The following TRABD variants were observed in gnomAD, a reference collection of about 807,000 sequenced individuals.
TRABD encodes the protein traB domain-containing protein.
TRABD carries 23 observed loss-of-function variants against 39.6 expected under a neutral mutation model. That is an observed-to-expected ratio of 0.58 (90% CI 0.42 to 0.82). The LOEUF is 0.82. Among genes scored for constraint, TRABD ranks in the 40% least tolerant of loss-of-function variants. TRABD has a pLI of 0.00. For synonymous variants in TRABD, 243 were observed against 232.1 expected, an observed-to-expected ratio of 1.05 and a Z score of -0.43; for missense variants, 487 against 544.9, an observed-to-expected ratio of 0.89 and a Z score of 1.06.
Position 50,197,319 on chromosome 22 carries a change from C to G in TRABD, c.499C>G (p.Pro167Ala). Residue 167 changes from proline to alanine, a missense_variant, in exon 6 of 10, where the codon CCA (proline) becomes GCA (alanine). By Grantham distance (27) the Pro-to-Ala change is conservative. Transcript: ENST00000380909. ...AHITEQLGMA[P>A]GGEFREAFKE... is the part of the protein sequence containing the mutation. Reference sequence around the variant, plus strand: ...CATCACCGAGCAGCTGGGCATGGCCCCAGGTGGCGAGTTCAGGGAGGCCTT... The same window carrying G: ...CATCACCGAGCAGCTGGGCATGGCCGCAGGTGGCGAGTTCAGGGAGGCCTT... The G allele has an allele frequency of 6.2e-7, 1 of 1,613,840 alleles. No homozygotes were observed. The highest frequency in any genetic ancestry group is 1.1e-5 in the South Asian group (1 of 91,084).
chr22:50,195,747 A>C (rs2064080451), intron 5 of TRABD, among the ~76,000 whole-genome samples: 1 of 152,078 alleles, frequency 6.6e-6, no homozygotes, highest in Non-Finnish European at 1.5e-5. Flanking sequence ...TACAGGCATG[A>C]GCCACCGCGC....
chr22:50,195,001 G>A lies in TRABD; in HGVS notation c.381G>A (p.Gln127=), dbSNP rs750662262. The A allele has an allele frequency of 1.9e-6, 3 of 1,608,466 alleles. No homozygotes were observed. The highest frequency in any genetic ancestry group is 2.5e-6 in the Non-Finnish European group (3 of 1,179,184). The change falls in exon 5 of 10, where the codon CAG becomes CAA. Residue 127 remains glutamine (Q), a synonymous_variant. Transcript: ENST00000380909. ...AGAGCACGCTGCTGCGGGAGGCCCAGGAGCTCAGCCTGGAGAAGCTGCAGC... is the reference window on the plus strand; with the variant it reads ...AGAGCACGCTGCTGCGGGAGGCCCAAGAGCTCAGCCTGGAGAAGCTGCAGC... The part of the protein sequence containing the change: ...MDESTLLREA[Q]ELSLEKLQQA...
At chr22:50,197,800 G>A (rs773241446) in intron 7 of TRABD, 23 bp from the exon 8 acceptor site, 1 of 1,605,460 alleles carries the variant, frequency 6.2e-7, no homozygotes, top group Non-Finnish European at 8.5e-7. Context: ...TCCCTGCGGG[G>A]CTGCAGCCAT....
At chr22:50,192,677 G>A (rs1218827844) in intron 1 of TRABD, among the ~76,000 whole-genome samples, 1 of 49,202 alleles carries the variant, frequency 2.0e-5, no homozygotes, top group African/African-American at 1.2e-4. Flanking sequence ...ATCATGTGTG[G>A]ACCCCAGGGC....
intron 1 of TRABD, among the ~76,000 whole-genome samples, chr22:50,186,626 T>G (rs1178238053): frequency 1.3e-5 from 2 of 152,098 alleles, no homozygotes; most frequent in South Asian, 2.1e-4. Context: ...GGCCTGCGGG[T>G]CTCTGGGGGT....
chr22:50,191,332 C>T (rs2063901766), intron 1 of TRABD, among the ~76,000 whole-genome samples: 1 of 152,208 alleles, frequency 6.6e-6, no homozygotes, highest in African/African-American at 2.4e-5. Flanking sequence ...GCACAGAGAG[C>T]TCCTTCCTGT....
At chr22:50,187,211 G>A (rs1379012949) in intron 1 of TRABD, among the ~76,000 whole-genome samples, 2 of 152,240 alleles carry the variant, frequency 1.3e-5, no homozygotes, top group South Asian at 2.1e-4. Flanking sequence ...CAGTGTGGGG[G>A]CTCTGCATTG....
In TRABD at chr22:50,198,380, G is replaced by A. The variant is rs779389912; in HGVS notation, c.992G>A (p.Arg331Gln). The change falls in exon 10 of 10, where the codon CGG (arginine) becomes CAG (glutamine). Residue 331 changes from arginine (R) to glutamine (Q), a missense_variant. By Grantham distance (43) the Arg-to-Gln change is conservative (BLOSUM62 1). This residue lies in a region of TRABD where 123 missense variants were observed against 108.3 expected (regional missense o/e 1.14). Coordinates refer to ENST00000380909, the MANE Select transcript of TRABD (RefSeq NM_001320485.2). This position sits in a 1 kb window ranked among gnomAD's most constrained non-coding sequence, Gnocchi z 7.9. The stretch of plus-strand genomic sequence containing the variant: ...CCGTCCGTCTCCGGCAGAGTGTCTC[G>A]GTTGGCCGTGAAGGCCGCCTTCTTC... The part of the protein sequence containing the change: ...PPPSVSGRVS[R>Q]LAVKAAFFGL... 33 of 1,590,176 alleles carry A rather than the reference G, an allele frequency of 2.1e-5. No individual in the cohort carries two copies. The highest frequency in any genetic ancestry group is 1.3e-4 in the East Asian group (6 of 44,604).
chr22:50,192,936 A>C, intron 1 of TRABD, 91 bp from the exon 2 acceptor site: 1 of 1,222,230 alleles, frequency 8.2e-7, no homozygotes, highest in Non-Finnish European at 1.2e-6. Context: ...CACCCAACAG[A>C]TGGTTCTAGA....
chr22:50,197,638 G>A (rs2147137340), intron 7 of TRABD, 50 bp downstream of exon 7: 1 of 1,604,730 alleles, frequency 6.2e-7, no homozygotes, highest in African/African-American at 1.3e-5. Flanking sequence ...GTCTGTGGGA[G>A]GCTCCAGGCC....
intron 1 of TRABD, chr22:50,192,430 C>T (rs1163203915): frequency 6.6e-6 from 1 of 152,326 alleles, no homozygotes; most frequent in Non-Finnish European, 1.5e-5. Context: ...GTGTGGCTGC[C>T]CCAGCCTGTC....
At chr22:50,193,713 G>T in intron 3 of TRABD, 59 bp downstream of exon 3, 1 of 1,550,844 alleles carries the variant, frequency 6.4e-7, no homozygotes, top group South Asian at 1.1e-5. Flanking sequence ...AGTCAGGGAG[G>T]AGGGGGAGGC....
chr22:50,197,763 A>AGGGCCCCCCCCCCCCCCCCCCT, intron 7 of TRABD, 60 bp from the exon 8 acceptor site: 1 of 1,439,784 alleles, frequency 6.9e-7, no homozygotes. Flanking sequence ...CCACAGTGCC[A>AGGGCCCCCCCCCCCCCCCCCCT]GCCCCACCCC....
intron 1 of TRABD, among the ~76,000 whole-genome samples, chr22:50,191,057 G>C (rs1253951262): frequency 6.6e-6 from 1 of 152,218 alleles, no homozygotes; most frequent in African/African-American, 2.4e-5. Context: ...AGAGGCTCAA[G>C]GCCCCCGGGG....
chr22:50,198,491 A>G lies in TRABD; in HGVS notation c.1103A>G (p.Gln368Arg). 2 of 1,582,250 alleles carry G rather than the reference A, an allele frequency of 1.3e-6. No individual in the cohort carries two copies. The highest frequency in any genetic ancestry group is 1.7e-6 in the Non-Finnish European group (2 of 1,170,384). The change falls in exon 10 of 10, where the codon CAG (glutamine) becomes CGG (arginine). Residue 368 changes from glutamine (Q) to arginine (R), a missense_variant. Coordinates refer to ENST00000380909, the MANE Select transcript of TRABD (RefSeq NM_001320485.2). This position sits in a 1 kb window ranked among gnomAD's most constrained non-coding sequence, Gnocchi z 7.9. ...LSLPAAQYCL[Q>R]RVTEARHK ...CTGCCCGCCGCGCAGTACTGCCTGC[A>G]GAGGGTGACCGAGGCCCGGCACAAG...
At position 50,198,892 on chromosome 22, in the gene TRABD, C is replaced by G. The variant is rs979533526; in HGVS notation, c.*373C>G. 1 of 571,646 alleles carries G rather than the reference C, an allele frequency of 1.7e-6. No individual in the cohort carries two copies. The highest frequency in any genetic ancestry group is 1.9e-5 in the African/African-American group (1 of 52,882). The allele number at this position is 571,646 out of a possible 1,614,324, so 35.4% of individuals were successfully genotyped here. On this transcript the variant is annotated 3_prime_UTR_variant, in exon 10 of 10. Transcript: ENST00000380909. The surrounding 1 kb of genome is among the most constrained non-coding windows in gnomAD (Gnocchi z 7.9). ...CACTGTCCCTACCTCACTGTGCCTTCCTGTGCTCCGGCCACAGGAGCGTCG... is the reference window on the plus strand; with the variant it reads ...CACTGTCCCTACCTCACTGTGCCTTGCTGTGCTCCGGCCACAGGAGCGTCG...
chr22:50,194,633 T>C (rs1024141220), intron 4 of TRABD, 127 bp downstream of exon 4: 2 of 1,427,976 alleles, frequency 1.4e-6, no homozygotes, highest in South Asian at 1.3e-5. Flanking sequence ...GCTTCAACAC[T>C]GTGGTCCCTG....
At chr22:50,197,781 C>T (rs758942589) in intron 7 of TRABD, 42 bp from the exon 8 acceptor site, 22 of 1,497,444 alleles carry the variant, frequency 1.5e-5, no homozygotes, top group African/African-American at 1.4e-4. Flanking sequence ...CCCCCCAGCC[C>T]GTTGCCCATC....
At chr22:50,197,764 G>GCCCCCCCCCCCCAC in intron 7 of TRABD, 59 bp from the exon 8 acceptor site, 1 of 1,284,794 alleles carries the variant, frequency 7.8e-7, no homozygotes, top group Non-Finnish European at 1.1e-6. Context: ...CACAGTGCCA[G>GCCCCCCCCCCCCAC]CCCCACCCCC....
Sources: allele counts gnomAD v4.1 joint callset (sites outside exome capture counted in the v4.1 genomes callset), GRCh38; gene constraint gnomAD v4.1.1; regional missense constraint gnomAD v4.1.1; non-coding constraint Gnocchi (gnomAD v3.1); transcripts MANE v1.5; gene names NCBI Gene and HGNC (gene_info 2026-07-23, HGNC 2026-07-21).